PDXK: variants seen among roughly 807,000 people sequenced by gnomAD.
PDXK encodes pyridoxal kinase.
Under a neutral mutation model 43.2 loss-of-function variants are expected in PDXK, and 15 were observed. The ratio of observed to expected loss-of-function variants is 0.35; its 90% confidence interval spans 0.23 to 0.53. The LOEUF (loss-of-function observed/expected upper bound fraction) is 0.53. PDXK is among the 20% of genes least tolerant of loss of function. PDXK has a pLI of 0.92. For missense variants in PDXK, 343 were observed against 417.0 expected, an observed-to-expected ratio of 0.82 and a Z score of 1.54; for synonymous variants, 172 against 165.4, an observed-to-expected ratio of 1.04 and a Z score of -0.31.
At chr21:43,745,407 G>A (rs984823300) in intron 4 of PDXK, among the ~76,000 whole-genome samples, 1 of 146,994 alleles carries the variant, frequency 6.8e-6, no homozygotes, top group Non-Finnish European at 1.5e-5. Context: ...GTGACAGGGC[G>A]AGACTCCATC....
intron 9 of PDXK, among the ~76,000 whole-genome samples, chr21:43,755,044 C>T (rs2083822129): frequency 6.6e-6 from 1 of 152,180 alleles, no homozygotes; most frequent in African/African-American, 2.4e-5. Flanking sequence ...TGGTGCAGGG[C>T]AGTGGAAAAG....
chr21:43,760,098 C>T lies in PDXK; in HGVS notation c.*4035C>T, dbSNP rs1215399732. ...TAGCCCTGGGCAGAGCTGGGCCTGT[C>T]GTGTGTTCCTGCCTGGCAGGTGCAG... On this transcript the variant is annotated 3_prime_UTR_variant, in exon 11 of 11. Transcript: ENST00000291565. 6.5e-6 allele frequency: 1 copy of T among 153,702 alleles called. No individual in the cohort carries two copies. Among genetic ancestry groups the T allele is most frequent in the Admixed American group, 6.5e-5 (1 of 15,280 alleles). The allele number at this position is 153,702 out of a possible 1,614,324, so 9.5% of individuals were successfully genotyped here.
chr21:43,749,436 A>G (rs2083696371), intron 6 of PDXK, among the ~76,000 whole-genome samples: 1 of 152,232 alleles, frequency 6.6e-6, no homozygotes, highest in African/African-American at 2.4e-5. Flanking sequence ...AAATGCTACC[A>G]GTCTTTCCCC....
At chr21:43,744,876 G>C (rs1344118356) in intron 4 of PDXK, among the ~76,000 whole-genome samples, 1 of 152,216 alleles carries the variant, frequency 6.6e-6, no homozygotes, top group African/African-American at 2.4e-5. Flanking sequence ...CTGTTGATGG[G>C]TGATAGACAA....
chr21:43,748,229 C>CG lies in PDXK; in HGVS notation c.379-765dup, dbSNP rs2083671613. On this transcript the variant is annotated intron_variant, in intron 5 of 10. Coordinates refer to ENST00000291565, the MANE Select transcript of PDXK (RefSeq NM_003681.5). ...ATGTGTTGCCTGGCACAGTGGCTCACGCCTGTAATTCCAGCACTTTGGGAG... is the reference window on the plus strand; with the variant it reads ...ATGTGTTGCCTGGCACAGTGGCTCACGGCCTGTAATTCCAGCACTTTGGGAG... The CG allele has an allele frequency of 2.0e-5, 3 of 152,414 alleles. No individual in the cohort carries two copies. The South Asian group carries it at 6.2e-4, about 32-fold the overall frequency. 9.4% of individuals were successfully genotyped at this position (152,414 alleles called of 1,614,324 possible).
At position 43,737,969 on chromosome 21, in the gene PDXK, C is replaced by A. The variant is rs953670307; in HGVS notation, c.143-3698C>A. The A allele has an allele frequency of 3.8e-5, 37 of 985,380 alleles. No homozygotes were observed. The highest frequency in any genetic ancestry group is 4.2e-5 in the Non-Finnish European group (35 of 829,956). 61.0% of individuals were successfully genotyped at this position (985,380 alleles called of 1,614,324 possible). A position where few individuals can be genotyped will look rare whatever the true frequency, so the allele number is the denominator to read the frequency against. On this transcript the variant is annotated intron_variant, in intron 2 of 10. Coordinates refer to ENST00000291565, the MANE Select transcript of PDXK (RefSeq NM_003681.5). The surrounding 1 kb of genome is among the most constrained non-coding windows in gnomAD (Gnocchi z 4.8). ...GGCCACCAAGAGGTGCAAGACCATG[C>A]CCTCTGTTTCGATAGGAAGCTGGGC...
At chr21:43,745,134 C>T (rs1322677926) in intron 4 of PDXK, among the ~76,000 whole-genome samples, 4 of 152,118 alleles carry the variant, frequency 2.6e-5, no homozygotes, top group African/African-American at 4.8e-5. Context: ...AGAAAGCAGA[C>T]GGAGGCTCGG....
intron 7 of PDXK, among the ~76,000 whole-genome samples, chr21:43,750,962 A>ATATATG (rs36141783): frequency 4.0e-5 from 6 of 150,624 alleles, no homozygotes; most frequent in East Asian, 2.0e-4. Flanking sequence ...ATGTGTGTGC[A>ATATATG]TGTGTGTGTG....
Position 43,761,704 on chromosome 21 carries a change from G to C in PDXK, c.*5641G>C, listed in dbSNP as rs2083934804. ...CTGGCAGGAGGAGGGTGGGTGCAGG[G>C]CTGGTGGGACAAAAAGAGGCCTCAG... is the stretch of plus-strand genomic sequence containing the variant. On this transcript the variant is annotated 3_prime_UTR_variant, in exon 11 of 11. Transcript: ENST00000291565. The C allele has an allele frequency of 1.3e-5, 2 of 152,150 alleles. No homozygotes were observed. The highest frequency in any genetic ancestry group is 1.3e-4 in the Admixed American group (2 of 15,284). The allele number at this position is 152,150 out of a possible 1,614,324, so 9.4% of individuals were successfully genotyped here. A position where few individuals can be genotyped will look rare whatever the true frequency, so the allele number is the denominator to read the frequency against.
chr21:43,740,434 T>C (rs976297268), intron 2 of PDXK, among the ~76,000 whole-genome samples: 1 of 152,100 alleles, frequency 6.6e-6, no homozygotes, highest in Non-Finnish European at 1.5e-5. Flanking sequence ...GTTTTCCTTA[T>C]TTGCTGAAAA....
Position 43,737,682 on chromosome 21 carries a change from C to T in PDXK, c.142+3559C>T. ...GGAGAAGGCCAGGGCCAGGAGCCTG[C>T]CGACGGACACCAGCGAGGGGCCAGG... On this transcript the variant is annotated intron_variant, in intron 2 of 10. Coordinates refer to ENST00000291565, the MANE Select transcript of PDXK (RefSeq NM_003681.5). The surrounding 1 kb of genome is among the most constrained non-coding windows in gnomAD (Gnocchi z 4.8). 1.4e-6 allele frequency: 1 copy of T among 730,250 alleles called. No homozygotes were observed. The highest frequency in any genetic ancestry group is 6.0e-5 in the South Asian group (1 of 16,664). 45.2% of individuals were successfully genotyped at this position (730,250 alleles called of 1,614,324 possible).
Position 43,735,390 on chromosome 21 carries a change from T to TTCCA in PDXK, c.142+1268_142+1271dup, listed in dbSNP as rs1243608120. 6.6e-6 allele frequency among the ~76,000 whole-genome samples: 1 copy of TTCCA among 152,238 alleles called. No individual in the cohort carries two copies. The highest frequency in any genetic ancestry group is 1.5e-5 in the Non-Finnish European group (1 of 68,042). On this transcript the variant is annotated intron_variant, in intron 2 of 10. Coordinates refer to ENST00000291565, the MANE Select transcript of PDXK (RefSeq NM_003681.5). This position sits in a 1 kb window ranked among gnomAD's most constrained non-coding sequence, Gnocchi z 5.3. ...ACCGACCCGGCTGCCCTTGCATGGA[T>TTCCA]TCCAGGTTGCGGGAGGGCCCCGGGC...
chr21:43,731,921 C>T (rs1480233300), intron 1 of PDXK, among the ~76,000 whole-genome samples: 2 of 152,212 alleles, frequency 1.3e-5, no homozygotes, highest in Non-Finnish European at 2.9e-5. Context: ...AATTGTTGGA[C>T]TCTTTAGAAC....
At chr21:43,745,433 A>G (rs1297940496) in intron 4 of PDXK, among the ~76,000 whole-genome samples, 3 of 151,868 alleles carry the variant, frequency 2.0e-5, no homozygotes, top group East Asian at 3.9e-4. Context: ...AAAAAAAAAA[A>G]AAAGAAAGCA....
In PDXK at chr21:43,746,220, G is replaced by T. The variant is rs1162992396; in HGVS notation, c.378+95G>T. 5 of 977,732 alleles carry T rather than the reference G, an allele frequency of 5.1e-6. No individual in the cohort carries two copies. In the East Asian group the frequency reaches 7.2e-5, roughly 14 times the overall value. The allele number at this position is 977,732 out of a possible 1,614,324, so 60.6% of individuals were successfully genotyped here. ...GCCCACATCTCTAAGTGTCTAACTC[G>T]GTGGGACTCCTCTGTCCAGGGGTAA... is the stretch of plus-strand genomic sequence containing the variant. On this transcript the variant is annotated intron_variant, in intron 5 of 10. Coordinates refer to ENST00000291565, the MANE Select transcript of PDXK (RefSeq NM_003681.5).
At chr21:43,745,813 A>G (rs1278843086) in intron 4 of PDXK, 2 of 458,616 alleles carry the variant, frequency 4.4e-6, no homozygotes, top group East Asian at 3.5e-5. Context: ...CCTCGGCAAC[A>G]TGGTGAGAAC....
rs140449047 is a variant in PDXK, at chr21:43,735,845, T to C, written c.142+1722T>C. ...AACTCCCTAGGGCAGTGAGGGCAGG[T>C]GTCACTCTCCCCTGCACCGGGGCCC... On this transcript the variant is annotated intron_variant, in intron 2 of 10. Transcript: ENST00000291565. This position sits in a 1 kb window ranked among gnomAD's most constrained non-coding sequence, Gnocchi z 5.3. Among the ~76,000 whole-genome samples, 688 of 152,248 alleles carry C rather than the reference T, an allele frequency of 4.5e-3. 9 individuals carry two copies. The highest frequency in any genetic ancestry group is 0.015 in the African/African-American group (637 of 41,548).
At chr21:43,740,387 A>G (rs530208485) in intron 2 of PDXK, among the ~76,000 whole-genome samples, 3 of 152,052 alleles carry the variant, frequency 2.0e-5, no homozygotes, top group Non-Finnish European at 4.4e-5. Context: ...CAAGTGCGTG[A>G]TACTTGTACT....
At position 43,754,151 on chromosome 21, in the gene PDXK, G is replaced by A. The variant is rs1304375645; in HGVS notation, c.759+432G>A. On this transcript the variant is annotated intron_variant, in intron 9 of 10. Transcript: ENST00000291565. The surrounding 1 kb of genome is among the most constrained non-coding windows in gnomAD (Gnocchi z 5.5). ...ACGGCAGTGACCTGAGGGACGGAAA[G>A]GCCGGAGCCGCCCTTCGGGGACAGT... Among the ~76,000 whole-genome samples, 1 of 152,234 alleles carries A rather than the reference G, an allele frequency of 6.6e-6. No individual in the cohort carries two copies. Among genetic ancestry groups the A allele is most frequent in the African/African-American group, 2.4e-5 (1 of 41,464 alleles).
Sources: allele counts gnomAD v4.1 joint callset (sites outside exome capture counted in the v4.1 genomes callset), GRCh38; gene constraint gnomAD v4.1.1; non-coding constraint Gnocchi (gnomAD v3.1); transcripts MANE v1.5; gene names NCBI Gene and HGNC (gene_info 2026-07-23, HGNC 2026-07-21).